Variants in SMARCA1 observed in about 807,000 individuals in gnomAD.
SMARCA1 encodes SWI/SNF-related matrix-associated actin-dependent regulator of chromatin subfamily A member 1.
A neutral mutation model predicts 93.6 loss-of-function variants in SMARCA1; 17 were observed. That is an observed-to-expected ratio of 0.18 (90% CI 0.12 to 0.27). The LOEUF is 0.27. Among genes scored for constraint, SMARCA1 ranks in the 10% least tolerant of loss-of-function variants. The probability of loss-of-function intolerance (pLI) is 1.00; values close to 1 mark genes in which losing one functional copy is unlikely to be tolerated. For missense variants in SMARCA1, 630 were observed against 819.0 expected (o/e 0.77, Z 2.82); for synonymous variants, 271 against 271.4 (o/e 1.00, Z 0.01).
intron 19 of SMARCA1, among the ~76,000 whole-genome samples, chrX:129,473,060 A>G (rs1221951904): frequency 1.8e-5 from 2 of 111,695 alleles, no homozygotes; most frequent in African/African-American, 6.5e-5. Context: ...GCATGAAGGC[A>G]GAAATGTGCA....
In SMARCA1 at chrX:129,504,422, T is replaced by C. The variant is rs1273931350; in HGVS notation, c.1167+312A>G. Among the ~76,000 whole-genome samples, 3 of 108,762 alleles carry C rather than the reference T, an allele frequency of 2.8e-5. No individual in the cohort carries two copies. The East Asian group carries it at 8.6e-4, about 31-fold the overall frequency. The allele number at this position is 108,762 out of a possible 115,157, so 94.4% of individuals were successfully genotyped here. ...AGTGGGTGAACTAGGAGAATACCGA[T>C]ACCATCCTGAGGAACTGTGGGGTGT... On this transcript the variant is annotated intron_variant, in intron 9 of 24. Coordinates refer to ENST00000371121, the MANE Select transcript of SMARCA1 (RefSeq NM_001282874.2).
intron 16 of SMARCA1, among the ~76,000 whole-genome samples, chrX:129,487,511 C>T (rs6529376): frequency 0.43 from 48,041 of 111,453 alleles, 9,770 homozygotes; most frequent in African/African-American, 0.8. Context: ...AACACAAGAT[C>T]ATTTAAAATG....
rs1883134663 is a variant in SMARCA1, at chrX:129,517,028, T to C, written c.262-531A>G. On this transcript the variant is annotated intron_variant, in intron 2 of 24. Transcript: ENST00000371121. ...AATACAGTATCATCTTGTCTCAAAA[T>C]ATTTTCAGTGTCATGGTATAGTAAT... is the stretch of plus-strand genomic sequence containing the variant. Among the ~76,000 whole-genome samples, 3 of 111,267 alleles carry C rather than the reference T, an allele frequency of 2.7e-5. No homozygotes were observed. In the Admixed American group the frequency reaches 2.9e-4, roughly 11 times the overall value.
rs763556729 is a variant in SMARCA1 at position 129,495,822 on chromosome X, C to T, written c.1626+928G>A. On this transcript the variant is annotated intron_variant, in intron 12 of 24. Coordinates refer to ENST00000371121, the MANE Select transcript of SMARCA1 (RefSeq NM_001282874.2). ...TCTCATTATGTCACCCAGGCTGGAGCGGTGCAATGCCATGATCTTGGCTCA... is the reference window on the plus strand; with the variant it reads ...TCTCATTATGTCACCCAGGCTGGAGTGGTGCAATGCCATGATCTTGGCTCA... Among the ~76,000 whole-genome samples, 4 of 103,855 alleles carry T rather than the reference C, an allele frequency of 3.9e-5. No homozygotes were observed. In the East Asian group the frequency reaches 9.1e-4, roughly 24 times the overall value. The allele number at this position is 103,855 out of a possible 115,157, so 90.2% of individuals were successfully genotyped here. A position where few individuals can be genotyped will look rare whatever the true frequency, so the allele number is the denominator to read the frequency against.
At position 129,483,026 on chromosome X, in the gene SMARCA1, C is replaced by T. The variant is rs939860043; in HGVS notation, c.2218-1841G>A. Among the ~76,000 whole-genome samples, 4 of 111,927 alleles carry T rather than the reference C, an allele frequency of 3.6e-5. No homozygotes were observed. In the Admixed American group the frequency reaches 3.8e-4, roughly 11 times the overall value. On this transcript the variant is annotated intron_variant, in intron 17 of 24. Transcript: ENST00000371121. ...TAAAGACAGACACAACGGTGACATT[C>T]GCATATGAAAGTCTATCAAATAGAA...
intron 16 of SMARCA1, 94 bp from the exon 17 acceptor site, chrX:129,487,231 T>A: frequency 1.7e-6 from 1 of 606,029 alleles, no homozygotes; most frequent in South Asian, 3.8e-5. Flanking sequence ...GGTTTTGACA[T>A]GAAATATCCA....
intron 12 of SMARCA1, 129 bp downstream of exon 12, chrX:129,496,621 G>T: frequency 4.0e-6 from 2 of 504,471 alleles, no homozygotes; most frequent in Non-Finnish European, 6.6e-6. Flanking sequence ...AAGAGAGAAA[G>T]AGATGCTAAT....
intron 3 of SMARCA1, 56 bp from the exon 4 acceptor site, chrX:129,516,050 T>A: frequency 1.2e-6 from 1 of 869,245 alleles, no homozygotes; most frequent in Non-Finnish European, 1.7e-6. Context: ...AGGTATCAAT[T>A]AAATCAGTGT....
chrX:129,517,296 T>C (rs1433043358), intron 2 of SMARCA1, among the ~76,000 whole-genome samples: 1 of 111,172 alleles, frequency 9.0e-6, no homozygotes, highest in East Asian at 2.8e-4. Context: ...ACTAAAAAAA[T>C]CTTAAAAGAT....
At chrX:129,497,088 G>GT (rs1233325872) in intron 11 of SMARCA1, among the ~76,000 whole-genome samples, 1 of 110,571 alleles carries the variant, frequency 9.0e-6, no homozygotes, top group East Asian at 2.8e-4. Flanking sequence ...CATTTTTTAA[G>GT]GTCTTCAAAA....
chrX:129,501,596 C>T (rs1298278062), intron 9 of SMARCA1, among the ~76,000 whole-genome samples: 2 of 104,007 alleles, frequency 1.9e-5, no homozygotes, highest in Non-Finnish European at 3.9e-5. Flanking sequence ...GCGCCCGGCC[C>T]GCCAAACTTT....
chrX:129,470,860 C>T (rs1207181196), intron 20 of SMARCA1, among the ~76,000 whole-genome samples: 1 of 111,786 alleles, frequency 8.9e-6, no homozygotes, highest in Non-Finnish European at 1.9e-5. Context: ...CAGAGCGAGA[C>T]TGTCTCAAAA....
At chrX:129,459,494 C>A (rs992036421) in intron 23 of SMARCA1, among the ~76,000 whole-genome samples, 2 of 112,538 alleles carry the variant, frequency 1.8e-5, no homozygotes, top group Admixed American at 1.9e-4. Flanking sequence ...TAAATGAACT[C>A]CTGTTAGTGC....
chrX:129,473,157 A>C (rs757765905), intron 19 of SMARCA1, among the ~76,000 whole-genome samples: 2 of 111,765 alleles, frequency 1.8e-5, no homozygotes, highest in Non-Finnish European at 3.8e-5. Flanking sequence ...CACTACACAG[A>C]AGGTGCTGCA....
chrX:129,485,726 G>A (rs376007929), intron 17 of SMARCA1, among the ~76,000 whole-genome samples: 1 of 111,437 alleles, frequency 9.0e-6, no homozygotes, highest in African/African-American at 3.3e-5. Flanking sequence ...TGTAGTCCTC[G>A]AGGTAATGAG....
intron 9 of SMARCA1, among the ~76,000 whole-genome samples, 170 bp downstream of exon 9, chrX:129,504,564 A>AAAAAAC (rs1569446095): frequency 6.2e-5 from 6 of 97,413 alleles, no homozygotes; most frequent in African/African-American, 2.5e-4. Context: ...AAAAAAAAAA[A>AAAAAAC]AAAAAAAAAA....
At chrX:129,453,321 A>G (rs1207039364) in intron 23 of SMARCA1, among the ~76,000 whole-genome samples, 1 of 110,949 alleles carries the variant, frequency 9.0e-6, no homozygotes, top group African/African-American at 3.3e-5. Flanking sequence ...CAAAGGAAAC[A>G]CTCTTGGAGG....
intron 23 of SMARCA1, among the ~76,000 whole-genome samples, chrX:129,450,216 G>T (rs1189255770): frequency 8.9e-6 from 1 of 111,824 alleles, no homozygotes; most frequent in Non-Finnish European, 1.9e-5. Context: ...TGGTGTCCTT[G>T]TAAGAAGTGG....
At position 129,505,438 on chromosome X, in the gene SMARCA1, G is replaced by A. The variant is rs146950240; in HGVS notation, c.1099-636C>T. Among the ~76,000 whole-genome samples, 224 of 110,668 alleles carry A rather than the reference G, an allele frequency of 2.0e-3. 2 individuals are homozygous for A. In the East Asian group the frequency reaches 0.029, roughly 14 times the overall value. On this transcript the variant is annotated intron_variant, in intron 8 of 24. Transcript: ENST00000371121. ...GAGGAAGGAGAATCACTTTAACCCG[G>A]GAGGCGGAGGTTGCAGAGAGCTGAG...
Sources: allele counts gnomAD v4.1 joint callset (sites outside exome capture counted in the v4.1 genomes callset), GRCh38; gene constraint gnomAD v4.1.1; transcripts MANE v1.5; gene names NCBI Gene and HGNC (gene_info 2026-07-23, HGNC 2026-07-21).